The following CRY1 variants were observed in gnomAD, a reference collection of about 807,000 sequenced individuals.
The protein encoded by CRY1 is cryptochrome circadian regulator 1.
CRY1 carries 45 observed loss-of-function variants against 76.0 expected under a neutral mutation model. That is an observed-to-expected ratio of 0.59 (90% CI 0.47 to 0.76). The LOEUF is 0.76. CRY1 is among the 30% of genes least tolerant of loss of function. The pLI is 0.00. For synonymous variants in CRY1, 248 were observed against 244.0 expected, an observed-to-expected ratio of 1.02 and a Z score of -0.15; for missense variants, 587 against 716.4, an observed-to-expected ratio of 0.82 and a Z score of 2.06.
At chr12:107,065,031 T>C (rs1671618101) in intron 1 of CRY1, among the ~76,000 whole-genome samples, 1 of 152,194 alleles carries the variant, frequency 6.6e-6, no homozygotes, top group Admixed American at 6.5e-5. Context: ...GCATGGTGGC[T>C]CACACCATTT....
chr12:107,076,497 C>T (rs1953253526), intron 1 of CRY1, among the ~76,000 whole-genome samples: 1 of 151,768 alleles, frequency 6.6e-6, no homozygotes, highest in Admixed American at 6.6e-5. Context: ...TGTAATTCCA[C>T]TAGCTACTCG....
At chr12:107,024,511 G>A (rs1004240756) in intron 1 of CRY1, among the ~76,000 whole-genome samples, 3 of 152,044 alleles carry the variant, frequency 2.0e-5, no homozygotes, top group Admixed American at 1.3e-4. Context: ...AGAGTGACTG[G>A]GACCACAGGC....
At chr12:107,066,768 T>C (rs1019588636) in intron 1 of CRY1, among the ~76,000 whole-genome samples, 1 of 151,396 alleles carries the variant, frequency 6.6e-6, no homozygotes, top group African/African-American at 2.4e-5. Flanking sequence ...CTGGCTTAGA[T>C]TAATTTTGTT....
Position 107,092,859 on chromosome 12 carries a change from A to G in CRY1, c.103T>C (p.Tyr35His). The G allele has an allele frequency of 6.2e-7, 1 of 1,611,292 alleles. No homozygotes were observed. Among genetic ancestry groups the G allele is most frequent in the Non-Finnish European group, 8.5e-7 (1 of 1,179,686 alleles). Residue 35 changes from tyrosine to histidine, a missense_variant, in exon 1 of 13, where the codon TAC (tyrosine) becomes CAC (histidine). By Grantham distance (83) the Tyr-to-His change is moderately conservative (BLOSUM62 2). Coordinates refer to ENST00000008527, the MANE Select transcript of CRY1 (RefSeq NM_004075.5). Reference sequence around the variant, plus strand: ...CCGGCGAACCAGGGGTCCAGGATGTAGACGCAGCGGATGGTGTCGGCGCCC... The same window carrying G: ...CCGGCGAACCAGGGGTCCAGGATGTGGACGCAGCGGATGGTGTCGGCGCCC... ...IQGADTIRCV[Y>H]ILDPWFAGSS...
chr12:107,005,036 A>C, intron 3 of CRY1, 70 bp downstream of exon 3: 1 of 1,464,788 alleles, frequency 6.8e-7, no homozygotes, highest in Non-Finnish European at 9.3e-7. Context: ...CTATATACTT[A>C]AAAATGGTTA....
chr12:106,996,826 T>C (rs1952237839), intron 10 of CRY1, among the ~76,000 whole-genome samples: 1 of 152,202 alleles, frequency 6.6e-6, no homozygotes, highest in South Asian at 2.1e-4. Context: ...ATTTGTATCA[T>C]ACAGAAAACT....
Position 106,999,636 on chromosome 12 carries a change from C to T in CRY1, c.1052G>A (p.Gly351Asp). 6 of 1,614,272 alleles carry T rather than the reference C, an allele frequency of 3.7e-6. No homozygotes were observed. The highest frequency in any genetic ancestry group is 5.1e-6 in the Non-Finnish European group (6 of 1,180,056). The change falls in exon 7 of 13, where the codon GGT becomes GAT. Residue 351 changes from glycine (G) to aspartate (D), a missense_variant. Physicochemically the swap from Gly to Asp is moderately conservative, Grantham distance 94 (BLOSUM62 -1). Transcript: ENST00000008527. The stretch of plus-strand genomic sequence containing the variant: ...ATGCCTGGCTAGATGATGAATCCAA[C>T]CCTCCTGACGAAGCTGTGTCATGAT... ...DAIMTQLRQE[G>D]WIHHLARHAV...
Position 106,997,596 on chromosome 12 carries a change from T to C in CRY1, c.1384A>G (p.Ile462Val). Residue 462 changes from isoleucine (I) to valine (V), a missense_variant, in exon 9 of 13, where the codon ATA (isoleucine) becomes GTA (valine). Ile to Val is a conservative substitution (Grantham distance 29). Coordinates refer to ENST00000008527, the MANE Select transcript of CRY1 (RefSeq NM_004075.5). Reference sequence around the variant, plus strand: ...ATTGGTTTAGGATAATTAACTCCTATCAAACATTTGGCTACCTTTTGGATA... The same window carrying C: ...ATTGGTTTAGGATAATTAACTCCTACCAAACATTTGGCTACCTTTTGGATA... ...EGIQKVAKCL[I>V]GVNYPKPMVN... 1 of 1,614,138 alleles carries C rather than the reference T, an allele frequency of 6.2e-7. No individual in the cohort carries two copies. The highest frequency in any genetic ancestry group is 8.5e-7 in the Non-Finnish European group (1 of 1,180,006).
At chr12:107,026,723 A>G (rs1160139968) in intron 1 of CRY1, among the ~76,000 whole-genome samples, 1 of 151,200 alleles carries the variant, frequency 6.6e-6, no homozygotes, top group Admixed American at 6.6e-5. Context: ...CACATGGTAG[A>G]TATGTATCAA....
chr12:107,065,537 G>C (rs576362820), intron 1 of CRY1, among the ~76,000 whole-genome samples: 7 of 152,210 alleles, frequency 4.6e-5, no homozygotes, highest in African/African-American at 1.7e-4. Context: ...TGAGGTTGCA[G>C]TGAGCTGAGA....
At chr12:107,076,202 C>A (rs1037684910) in intron 1 of CRY1, among the ~76,000 whole-genome samples, 5 of 151,784 alleles carry the variant, frequency 3.3e-5, no homozygotes, top group African/African-American at 7.3e-5. Context: ...GGAATCAAGC[C>A]TTACATCAAA....
At chr12:107,014,438 C>T (rs1470163017) in intron 2 of CRY1, among the ~76,000 whole-genome samples, 1 of 152,160 alleles carries the variant, frequency 6.6e-6, no homozygotes, top group Non-Finnish European at 1.5e-5. Flanking sequence ...AGAAAAGCTT[C>T]TTCTCTCCTG....
intron 1 of CRY1, among the ~76,000 whole-genome samples, chr12:107,070,666 T>A (rs532083840): frequency 7.2e-6 from 1 of 139,654 alleles, no homozygotes; most frequent in Non-Finnish European, 1.5e-5. Flanking sequence ...ATTCTCTTAT[T>A]TTTATTTATT....
At chr12:107,004,014 C>T (rs1406343418) in intron 3 of CRY1, among the ~76,000 whole-genome samples, 1 of 152,030 alleles carries the variant, frequency 6.6e-6, no homozygotes. Context: ...ACCATTTTGG[C>T]CAGGCTGGTC....
intron 1 of CRY1, among the ~76,000 whole-genome samples, chr12:107,069,620 T>TATATATAAAGTAA (rs1565842780): frequency 1.1e-5 from 1 of 89,940 alleles, no homozygotes; most frequent in African/African-American, 5.5e-5. Context: ...ATAAAAAGTA[T>TATATATAAAGTAA]ATATATATAA....
intron 1 of CRY1, among the ~76,000 whole-genome samples, chr12:107,071,353 T>C (rs1287278044): frequency 6.6e-6 from 1 of 152,228 alleles, no homozygotes; most frequent in Non-Finnish European, 1.5e-5. Flanking sequence ...GATCATATAA[T>C]TATACTCTGA....
chr12:106,999,061 A>T (rs1952270362), intron 7 of CRY1, among the ~76,000 whole-genome samples: 1 of 151,770 alleles, frequency 6.6e-6, no homozygotes, highest in East Asian at 1.9e-4. Flanking sequence ...AAAAAAAAAA[A>T]AAAGTACCTA....
chr12:107,025,306 A>T (rs1952595723), intron 1 of CRY1, among the ~76,000 whole-genome samples: 2 of 152,218 alleles, frequency 1.3e-5, no homozygotes, highest in East Asian at 1.9e-4. Context: ...TACATGGTGA[A>T]CGTCTTTTCA....
In CRY1 at chr12:107,093,082, G is replaced by A; in HGVS notation, c.-121C>T. ...GGGGCGTGAGGAAAGGGCGGCAGAG[G>A]GGGAACAGGAAAAAATGACTCCGAG... On this transcript the variant is annotated 5_prime_UTR_variant, in exon 1 of 13. Transcript: ENST00000008527. The A allele has an allele frequency of 8.2e-7, 1 of 1,226,248 alleles. No individual in the cohort carries two copies. The highest frequency in any genetic ancestry group is 1.1e-6 in the Non-Finnish European group (1 of 919,082). The allele number at this position is 1,226,248 out of a possible 1,614,324, so 76.0% of individuals were successfully genotyped here. A position where few individuals can be genotyped will look rare whatever the true frequency, so the allele number is the denominator to read the frequency against.
Sources: gnomAD v4.1 joint callset for allele counts (sites outside exome capture counted in the v4.1 genomes callset) on GRCh38, gnomAD v4.1.1 for gene constraint, MANE v1.5 for transcripts, NCBI Gene and HGNC (gene_info 2026-07-23, HGNC 2026-07-21) for gene names.